MAN1A2: variants seen among roughly 807,000 people sequenced by gnomAD.
MAN1A2 encodes the protein mannosyl-oligosaccharide 1,2-alpha-mannosidase IB.
In MAN1A2, 26 loss-of-function variants were observed where a neutral mutation model predicts 75.7. The observed-to-expected ratio is 0.34, with a 90% confidence interval of 0.25 to 0.48. MAN1A2 has a LOEUF of 0.48. Among genes scored for constraint, MAN1A2 ranks in the 20% least tolerant of loss-of-function variants. The pLI, the probability that MAN1A2 is intolerant of heterozygous loss-of-function variation, is 0.99. For missense variants in MAN1A2, 562 were observed against 775.5 expected, an observed-to-expected ratio of 0.72 and a Z score of 3.27; for synonymous variants, 247 against 264.6, an observed-to-expected ratio of 0.93 and a Z score of 0.65.
intron 6 of MAN1A2, among the ~76,000 whole-genome samples, chr1:117,457,088 C>T (rs886686886): frequency 1.3e-5 from 2 of 151,978 alleles, no homozygotes; most frequent in Non-Finnish European, 2.9e-5. Flanking sequence ...TAAATATATT[C>T]GACTGACTTT....
intron 8 of MAN1A2, among the ~76,000 whole-genome samples, chr1:117,476,151 C>A (rs994210718): frequency 6.6e-6 from 1 of 152,100 alleles, no homozygotes; most frequent in Non-Finnish European, 1.5e-5. Context: ...TCGTTGGCTG[C>A]ATAAATGTCT....
rs1651573855 is a variant in MAN1A2, at chr1:117,512,677, G to GA, written c.1793+9709dup. The stretch of plus-strand genomic sequence containing the variant: ...TTCAAATAGGTATACTGGAAGACCA[G>GA]AACCGTGGTCTTTACATTTTTAAGT... On this transcript the variant is annotated intron_variant, in intron 12 of 12. Transcript: ENST00000356554. Among the ~76,000 whole-genome samples the GA allele has an allele frequency of 4.0e-5, 6 of 151,414 alleles. No homozygotes were observed. The South Asian group carries it at 1.3e-3, about 32-fold the overall frequency.
intron 8 of MAN1A2, among the ~76,000 whole-genome samples, chr1:117,483,290 C>T (rs1409898869): frequency 1.3e-5 from 2 of 151,996 alleles, no homozygotes; most frequent in East Asian, 3.9e-4. Flanking sequence ...TCATTGGTAG[C>T]TTGATGGAGA....
At chr1:117,480,962 C>T (rs1002927859) in intron 8 of MAN1A2, among the ~76,000 whole-genome samples, 1 of 151,820 alleles carries the variant, frequency 6.6e-6, no homozygotes, top group Non-Finnish European at 1.5e-5. Flanking sequence ...TTCCCTCAAC[C>T]CCACCCAGAT....
chr1:117,408,574 A>G lies in MAN1A2; in HGVS notation c.655+2929A>G, dbSNP rs189055305. Reference sequence around the variant, plus strand: ...TGTTTTGTTGAAGATTGTTGCTTCTATATTAATAAGAGATACTGCTCTGTA... The same window carrying G: ...TGTTTTGTTGAAGATTGTTGCTTCTGTATTAATAAGAGATACTGCTCTGTA... On this transcript the variant is annotated intron_variant, in intron 3 of 12. Coordinates refer to ENST00000356554, the MANE Select transcript of MAN1A2 (RefSeq NM_006699.5). Among the ~76,000 whole-genome samples, 33 of 152,194 alleles carry G rather than the reference A, an allele frequency of 2.2e-4. No individual in the cohort carries two copies. The East Asian group carries it at 3.5e-3, about 16-fold the overall frequency.
At chr1:117,403,269 A>G (rs1647502696) in intron 2 of MAN1A2, among the ~76,000 whole-genome samples, 1 of 152,224 alleles carries the variant, frequency 6.6e-6, no homozygotes, top group South Asian at 2.1e-4. Flanking sequence ...GGTATAGCAG[A>G]TACTTTAAGC....
chr1:117,417,534 A>AATATATATATAT (rs551507232), intron 4 of MAN1A2, among the ~76,000 whole-genome samples: 4,802 of 88,968 alleles, frequency 0.054, 326 homozygotes, highest in African/African-American at 0.11. Context: ...CTTGAGTTTA[A>AATATATATATAT]ATATATATAT....
intron 8 of MAN1A2, among the ~76,000 whole-genome samples, chr1:117,487,459 G>A (rs1219697832): frequency 6.6e-6 from 1 of 152,000 alleles, no homozygotes; most frequent in Non-Finnish European, 1.5e-5. Flanking sequence ...TAGGAAACCA[G>A]TTAGAAAATC....
At chr1:117,520,372 C>G (rs1651837795) in intron 12 of MAN1A2, among the ~76,000 whole-genome samples, 1 of 152,022 alleles carries the variant, frequency 6.6e-6, no homozygotes, top group Non-Finnish European at 1.5e-5. Flanking sequence ...AAGAGGAAGT[C>G]AAACTGTCAG....
chr1:117,429,714 C>A (rs1648531082), intron 5 of MAN1A2, among the ~76,000 whole-genome samples: 1 of 106,922 alleles, frequency 9.4e-6, no homozygotes, highest in African/African-American at 3.7e-5. Flanking sequence ...GGGGGCTGAC[C>A]CCCCCCACCT....
chr1:117,503,670 A>G (rs1346178980), intron 12 of MAN1A2, among the ~76,000 whole-genome samples: 1 of 151,496 alleles, frequency 6.6e-6, no homozygotes, highest in East Asian at 1.9e-4. Context: ...TCTGTACATG[A>G]AAGCCTTGTA....
chr1:117,460,491 G>C lies in MAN1A2; in HGVS notation c.953G>C (p.Gly318Ala), dbSNP rs758559535. 2 of 1,610,514 alleles carry C rather than the reference G, an allele frequency of 1.2e-6. No homozygotes were observed. The highest frequency in any genetic ancestry group is 4.5e-5 in the East Asian group (2 of 44,678). The part of the protein sequence containing the change: ...IPWAMVNLKS[G>A]VGRNWGWASA... The stretch of plus-strand genomic sequence containing the variant: ...TTTTACTTTTCCTTTTCATTCAGTG[G>C]AGTAGGGCGAAACTGGGGCTGGGCA... The change falls in exon 7 of 13, where the codon GGA (glycine) becomes GCA (alanine). Residue 318 changes from glycine to alanine, a missense_variant and splice_region_variant. Gly to Ala is a moderately conservative substitution (Grantham distance 60, BLOSUM62 0). Coordinates refer to ENST00000356554, the MANE Select transcript of MAN1A2 (RefSeq NM_006699.5).
chr1:117,511,365 C>T (rs190961558), intron 12 of MAN1A2, among the ~76,000 whole-genome samples: 1 of 151,908 alleles, frequency 6.6e-6, no homozygotes, highest in South Asian at 2.1e-4. Flanking sequence ...GGTAGAGATG[C>T]GGGTCTTGCT....
chr1:117,372,160 ATTAC>A (rs1652984619), intron 1 of MAN1A2, among the ~76,000 whole-genome samples: 1 of 152,202 alleles, frequency 6.6e-6, no homozygotes, highest in Admixed American at 6.5e-5. Context: ...GGTTGCAATG[ATTAC>A]TTACTGGATG....
At chr1:117,494,181 T>C (rs1424160837) in intron 9 of MAN1A2, 3 of 152,114 alleles carry the variant, frequency 2.0e-5, no homozygotes, top group Admixed American at 1.3e-4. Flanking sequence ...TTAACCACTG[T>C]ATTATATTGT....
intron 12 of MAN1A2, among the ~76,000 whole-genome samples, chr1:117,514,363 A>G (rs1273382544): frequency 2.9e-4 from 1 of 3,476 alleles, no homozygotes; most frequent in Non-Finnish European, 1.2e-3. Flanking sequence ...CTCCATCTCA[A>G]AAAAAAAAAA....
intron 11 of MAN1A2, among the ~76,000 whole-genome samples, chr1:117,500,049 C>T (rs1185276449): frequency 2.0e-5 from 3 of 151,694 alleles, no homozygotes; most frequent in African/African-American, 7.3e-5. Flanking sequence ...AAGGACATCC[C>T]AAATGAGGTC....
intron 1 of MAN1A2, among the ~76,000 whole-genome samples, chr1:117,370,730 C>T (rs940900540): frequency 5.1e-5 from 5 of 98,024 alleles, no homozygotes; most frequent in African/African-American, 1.7e-4. Context: ...GACAGTTTAT[C>T]TTCATTTAGT....
intron 8 of MAN1A2, among the ~76,000 whole-genome samples, chr1:117,489,379 T>C (rs1650809169): frequency 6.6e-6 from 1 of 152,116 alleles, no homozygotes; most frequent in African/African-American, 2.4e-5. Context: ...AAATGTTCAC[T>C]GATCTAATGG....
Sources: allele counts gnomAD v4.1 joint callset (sites outside exome capture counted in the v4.1 genomes callset), GRCh38; gene constraint gnomAD v4.1.1; transcripts MANE v1.5; gene names NCBI Gene and HGNC (gene_info 2026-07-23, HGNC 2026-07-21).